ST6GALNAC3: variants seen among roughly 807,000 people sequenced by gnomAD.
ST6GALNAC3 encodes alpha-N-acetylgalactosaminide alpha-2,6-sialyltransferase 3.
Under a neutral mutation model 32.7 loss-of-function variants are expected in ST6GALNAC3, and 25 were observed. That is an observed-to-expected ratio of 0.76 (90% CI 0.56 to 1.07). The LOEUF (loss-of-function observed/expected upper bound fraction) is 1.07. ST6GALNAC3 is among the 50% of genes least tolerant of loss of function. The probability of loss-of-function intolerance (pLI) is 0.00; values close to 1 mark genes in which losing one functional copy is unlikely to be tolerated. For synonymous variants in ST6GALNAC3, 129 were observed against 133.1 expected (o/e 0.97, Z 0.21); for missense variants, 355 against 382.4 (o/e 0.93, Z 0.60).
chr1:76,285,409 T>TGTGTAC (rs534919038), intron 1 of ST6GALNAC3, among the ~76,000 whole-genome samples: 5 of 152,094 alleles, frequency 3.3e-5, no homozygotes, highest in Admixed American at 3.3e-4. Flanking sequence ...TGTGTGTGTG[T>TGTGTAC]GTACATGTGT....
intron 1 of ST6GALNAC3, among the ~76,000 whole-genome samples, chr1:76,126,811 G>A (rs1239818847): frequency 6.6e-6 from 1 of 152,160 alleles, no homozygotes; most frequent in Non-Finnish European, 1.5e-5. Flanking sequence ...CACTCCCAGT[G>A]GGCTTTCAGG....
intron 1 of ST6GALNAC3, among the ~76,000 whole-genome samples, chr1:76,276,231 A>G (rs950977981): frequency 6.6e-6 from 1 of 151,742 alleles, no homozygotes; most frequent in Non-Finnish European, 1.5e-5. Context: ...GAAGAAAAAT[A>G]TAATGCGATT....
chr1:76,173,049 C>T (rs1326375086), intron 1 of ST6GALNAC3, among the ~76,000 whole-genome samples: 1 of 152,106 alleles, frequency 6.6e-6, no homozygotes, highest in Non-Finnish European at 1.5e-5. Flanking sequence ...GCAAAAAGAA[C>T]AAAGCTGGAG....
intron 3 of ST6GALNAC3, among the ~76,000 whole-genome samples, chr1:76,469,750 G>A (rs1464168394): frequency 1.3e-5 from 2 of 152,064 alleles, no homozygotes; most frequent in Non-Finnish European, 2.9e-5. Flanking sequence ...AATAGTGAGT[G>A]GTTGTGACCA....
intron 2 of ST6GALNAC3, among the ~76,000 whole-genome samples, chr1:76,402,911 T>A (rs1653537326): frequency 6.6e-6 from 1 of 152,134 alleles, no homozygotes; most frequent in East Asian, 1.9e-4. Context: ...TCTTAAATTA[T>A]TGAGTCTTAT....
chr1:76,445,867 G>C (rs1260078656), intron 3 of ST6GALNAC3, among the ~76,000 whole-genome samples: 1 of 152,004 alleles, frequency 6.6e-6, no homozygotes, highest in Non-Finnish European at 1.5e-5. Flanking sequence ...TCACTTCTTG[G>C]TCCTTTAGCT....
chr1:76,409,274 T>C (rs6665168), intron 2 of ST6GALNAC3, among the ~76,000 whole-genome samples: 136,875 of 151,848 alleles, frequency 0.9, 63,313 homozygotes, highest in East Asian at 1. Flanking sequence ...CTTACTGTGT[T>C]AGGGGTGATG....
chr1:76,621,965 C>T (rs1021994997), intron 3 of ST6GALNAC3, among the ~76,000 whole-genome samples: 1 of 151,908 alleles, frequency 6.6e-6, no homozygotes. Flanking sequence ...TCTTTTTACC[C>T]CTGAGTATAA....
intron 1 of ST6GALNAC3, among the ~76,000 whole-genome samples, chr1:76,118,904 C>A (rs2100829909): frequency 6.6e-6 from 1 of 152,266 alleles, no homozygotes; most frequent in East Asian, 1.9e-4. Context: ...CTCACTGCAA[C>A]CTCTGTCTCC....
At chr1:76,355,375 T>C (rs1649352193) in intron 2 of ST6GALNAC3, among the ~76,000 whole-genome samples, 1 of 152,246 alleles carries the variant, frequency 6.6e-6, no homozygotes, top group South Asian at 2.1e-4. Flanking sequence ...CAGTTCTTTT[T>C]CTGATATACT....
At chr1:76,196,097 A>G (rs182817374) in intron 1 of ST6GALNAC3, among the ~76,000 whole-genome samples, 8 of 152,334 alleles carry the variant, frequency 5.3e-5, no homozygotes, top group Admixed American at 4.6e-4. Context: ...GTGTGAATTA[A>G]TGTATAAACA....
intron 1 of ST6GALNAC3, among the ~76,000 whole-genome samples, chr1:76,087,417 C>A (rs905063543): frequency 2.0e-5 from 3 of 152,090 alleles, no homozygotes; most frequent in African/African-American, 7.2e-5. Context: ...TTATCAAGCA[C>A]TTATAGAGAA....
At position 76,605,484 on chromosome 1, in the gene ST6GALNAC3, CTT is replaced by C. The variant is rs1455519917; in HGVS notation, c.624-21966_624-21965del. ...CAAAATGGGAGAAATTTTTTGCAAT[CTT>C]TCTATCTGACAAAGGTCTAATATCC... On this transcript the variant is annotated intron_variant, in intron 3 of 4. Transcript: ENST00000328299. 7.9e-5 allele frequency among the ~76,000 whole-genome samples: 12 copies of C among 152,012 alleles called. 1 individual carries two copies. The highest frequency in any genetic ancestry group is 5.9e-5 in the Non-Finnish European group (4 of 68,008).
intron 3 of ST6GALNAC3, among the ~76,000 whole-genome samples, chr1:76,598,752 T>C (rs1257868079): frequency 6.7e-6 from 1 of 150,122 alleles, no homozygotes; most frequent in Non-Finnish European, 1.5e-5. Flanking sequence ...AAAAAAAAAA[T>C]GGTAAGCCTC....
intron 1 of ST6GALNAC3, among the ~76,000 whole-genome samples, chr1:76,303,547 C>G (rs1282224626): frequency 1.3e-5 from 2 of 152,046 alleles, no homozygotes; most frequent in African/African-American, 4.8e-5. Flanking sequence ...AAGTACTTGG[C>G]ATAATGCCTG....
At chr1:76,505,674 G>C (rs1661438947) in intron 3 of ST6GALNAC3, among the ~76,000 whole-genome samples, 1 of 152,176 alleles carries the variant, frequency 6.6e-6, no homozygotes, top group South Asian at 2.1e-4. Flanking sequence ...TGGAGAAGCA[G>C]ATCTAGTCCC....
At chr1:76,325,100 G>C (rs1437231302) in intron 2 of ST6GALNAC3, among the ~76,000 whole-genome samples, 2 of 152,264 alleles carry the variant, frequency 1.3e-5, no homozygotes, top group East Asian at 3.9e-4. Flanking sequence ...AAGGTATTTA[G>C]GTTTTTGACC....
rs569130976 is a variant in ST6GALNAC3, at chr1:76,102,381, G to GT, written c.18+27501dup. On this transcript the variant is annotated intron_variant, in intron 1 of 4. Coordinates refer to ENST00000328299, the MANE Select transcript of ST6GALNAC3 (RefSeq NM_152996.4). ...ATTTGTCTTTTAATTGCAGCATTGA[G>GT]TTTTCCTACTTTTAATGTAATAATA... Among the ~76,000 whole-genome samples, 596 of 151,934 alleles carry GT rather than the reference G, an allele frequency of 3.9e-3. 6 individuals are homozygous for GT. Among genetic ancestry groups the GT allele is most frequent in the African/African-American group, 0.013 (550 of 41,484 alleles).
chr1:76,287,572 T>C (rs984214299), intron 1 of ST6GALNAC3, among the ~76,000 whole-genome samples: 2 of 152,116 alleles, frequency 1.3e-5, no homozygotes, highest in Non-Finnish European at 2.9e-5. Context: ...AGATGAGTAC[T>C]CTGGTTTATA....
Sources: allele counts gnomAD v4.1 joint callset (sites outside exome capture counted in the v4.1 genomes callset), GRCh38; gene constraint gnomAD v4.1.1; transcripts MANE v1.5; gene names NCBI Gene and HGNC (gene_info 2026-07-23, HGNC 2026-07-21).